Variants in PSD3 observed in about 807,000 individuals in gnomAD.
PSD3 encodes PH and SEC7 domain-containing protein 3.
In PSD3, 49 loss-of-function variants were observed where a neutral mutation model predicts 105.5. That is an observed-to-expected ratio of 0.46 (90% CI 0.37 to 0.59). PSD3 has a LOEUF of 0.59. PSD3 is among the 20% of genes least tolerant of loss of function. The pLI, the probability that PSD3 is intolerant of heterozygous loss-of-function variation, is 0.00. For missense variants in PSD3, 1,561 were observed against 1,263.8 expected (o/e 1.24, Z -3.57); for synonymous variants, 557 against 457.8 (o/e 1.22, Z -2.77).
chr8:18,974,802 C>T (rs1253910176), intron 1 of PSD3, among the ~76,000 whole-genome samples: 1 of 152,064 alleles, frequency 6.6e-6, no homozygotes, highest in Admixed American at 6.6e-5. Context: ...GACCTGCTAG[C>T]TATACATCCA....
intron 9 of PSD3, among the ~76,000 whole-genome samples, chr8:18,660,516 G>C (rs940713341): frequency 2.0e-5 from 3 of 152,202 alleles, no homozygotes; most frequent in East Asian, 3.9e-4. Context: ...CCCACAGGTG[G>C]ATTTCAGGAA....
chr8:19,078,055 C>G (rs114940290), intron 1 of PSD3, among the ~76,000 whole-genome samples: 2,894 of 152,086 alleles, frequency 0.019, 110 homozygotes, highest in African/African-American at 0.066. Context: ...TTTTGAGACA[C>G]AGTCTTGCTC....
intron 8 of PSD3, among the ~76,000 whole-genome samples, chr8:18,771,862 T>C (rs571133826): frequency 6.6e-6 from 1 of 152,334 alleles, no homozygotes; most frequent in East Asian, 1.9e-4. Flanking sequence ...AATCTCAAAC[T>C]CTATACCCAT....
chr8:18,568,817 T>A (rs1801959618), intron 14 of PSD3, among the ~76,000 whole-genome samples: 1 of 151,876 alleles, frequency 6.6e-6, no homozygotes, highest in Non-Finnish European at 1.5e-5. Flanking sequence ...TAACTCGTCA[T>A]CTAGCATTAG....
At chr8:18,806,828 C>T (rs552143663) in intron 4 of PSD3, among the ~76,000 whole-genome samples, 16 of 152,108 alleles carry the variant, frequency 1.1e-4, no homozygotes, top group East Asian at 5.8e-4. Flanking sequence ...AAAGGGGAAA[C>T]GGAGATAATA....
intron 9 of PSD3, among the ~76,000 whole-genome samples, chr8:18,740,859 C>T (rs1242515286): frequency 6.6e-6 from 1 of 152,176 alleles, no homozygotes; most frequent in Non-Finnish European, 1.5e-5. Context: ...CCCCTACCTT[C>T]CAGCTGCTTC....
chr8:19,070,347 T>G (rs76183188), intron 1 of PSD3, among the ~76,000 whole-genome samples: 6,726 of 144,908 alleles, frequency 0.046, 209 homozygotes, highest in African/African-American at 0.088. Flanking sequence ...GTATTTACAC[T>G]ATTGTATTAG....
intron 14 of PSD3, chr8:18,557,576 G>A (rs999560853): frequency 9.1e-5 from 14 of 153,770 alleles, no homozygotes; most frequent in Non-Finnish European, 8.8e-5. Flanking sequence ...CAGAGGACAC[G>A]AATGGAAAAA....
At chr8:18,562,768 A>G (rs1212016451) in intron 14 of PSD3, among the ~76,000 whole-genome samples, 2 of 152,090 alleles carry the variant, frequency 1.3e-5, no homozygotes, top group Admixed American at 6.6e-5. Flanking sequence ...ATGCGCCTTT[A>G]ATTCCAATTG....
chr8:18,720,024 C>A (rs1802851836), intron 9 of PSD3, among the ~76,000 whole-genome samples: 1 of 152,056 alleles, frequency 6.6e-6, no homozygotes, highest in Non-Finnish European at 1.5e-5. Context: ...GCCCTTAATG[C>A]CCTAAAATGT....
intron 9 of PSD3, among the ~76,000 whole-genome samples, chr8:18,760,289 G>C (rs1806411833): frequency 6.6e-6 from 1 of 151,994 alleles, no homozygotes; most frequent in Non-Finnish European, 1.5e-5. Flanking sequence ...TATTCTCCTA[G>C]TATTTTTCAA....
At chr8:18,572,188 G>A (rs909274464) in intron 14 of PSD3, among the ~76,000 whole-genome samples, 2 of 152,142 alleles carry the variant, frequency 1.3e-5, no homozygotes, top group Non-Finnish European at 2.9e-5. Context: ...ATAAAAATGA[G>A]CTAATAAATG....
intron 2 of PSD3, among the ~76,000 whole-genome samples, chr8:18,915,943 A>T (rs1366613169): frequency 1.3e-5 from 2 of 152,006 alleles, no homozygotes; most frequent in Non-Finnish European, 2.9e-5. Flanking sequence ...TAAAAGTACA[A>T]AATTAGCCAG....
At chr8:18,564,793 A>C (rs998914557) in intron 14 of PSD3, among the ~76,000 whole-genome samples, 2 of 152,046 alleles carry the variant, frequency 1.3e-5, no homozygotes, top group African/African-American at 4.8e-5. Context: ...CCTGGCTCTG[A>C]GCACCACTGC....
At chr8:18,662,816 A>G (rs1809456797) in intron 9 of PSD3, among the ~76,000 whole-genome samples, 1 of 152,142 alleles carries the variant, frequency 6.6e-6, no homozygotes, top group South Asian at 2.1e-4. Context: ...GATCAATAGC[A>G]TGACTACCTG....
At chr8:18,808,095 G>T (rs1403184056) in intron 4 of PSD3, among the ~76,000 whole-genome samples, 1 of 152,130 alleles carries the variant, frequency 6.6e-6, no homozygotes, top group Non-Finnish European at 1.5e-5. Context: ...TGGTTACTTT[G>T]TGTTTTCCCA....
chr8:18,613,192 G>A (rs1169213006), intron 11 of PSD3, among the ~76,000 whole-genome samples: 1 of 152,084 alleles, frequency 6.6e-6, no homozygotes, highest in African/African-American at 2.4e-5. Context: ...ACGAAATGCC[G>A]CCTTCAAGCC....
At chr8:18,645,679 G>A (rs1376144964) in intron 10 of PSD3, among the ~76,000 whole-genome samples, 3 of 152,126 alleles carry the variant, frequency 2.0e-5, no homozygotes, top group African/African-American at 4.8e-5. Flanking sequence ...TTTGAGTACA[G>A]TGAAACAGAG....
chr8:18,572,160 G>C (rs1400466792), intron 14 of PSD3, among the ~76,000 whole-genome samples: 1 of 152,098 alleles, frequency 6.6e-6, no homozygotes, highest in African/African-American at 2.4e-5. Flanking sequence ...ACACATCCTG[G>C]AATATGGTAA....
Sources: allele counts gnomAD v4.1 joint callset (sites outside exome capture counted in the v4.1 genomes callset), GRCh38; gene constraint gnomAD v4.1.1; transcripts MANE v1.5; gene names NCBI Gene and HGNC (gene_info 2026-07-23, HGNC 2026-07-21).